Variants in THSD7B observed in about 807,000 individuals in gnomAD.
The protein encoded by THSD7B is thrombospondin type-1 domain-containing protein 7B.
A neutral mutation model predicts 213.6 loss-of-function variants in THSD7B; 138 were observed. The observed-to-expected ratio is 0.65, with a 90% CI of 0.56 to 0.74. The LOEUF (loss-of-function observed/expected upper bound fraction) is 0.74. Ranked by LOEUF, THSD7B falls within the 30% of genes least tolerant of loss-of-function variation. The probability of loss-of-function intolerance (pLI) is 0.00; values close to 1 mark genes in which losing one functional copy is unlikely to be tolerated. For missense variants in THSD7B, 1,931 were observed against 1,991.5 expected, an observed-to-expected ratio of 0.97 and a Z score of 0.58; for synonymous variants, 742 against 687.0, an observed-to-expected ratio of 1.08 and a Z score of -1.25.
intron 1 of THSD7B, among the ~76,000 whole-genome samples, chr2:136,817,021 G>C (rs1290165901): frequency 1.3e-5 from 2 of 152,162 alleles, no homozygotes; most frequent in African/African-American, 4.8e-5. Context: ...GGTTAGAGTA[G>C]ATTCTAGGAG....
At chr2:137,132,697 G>A (rs1349703490) in intron 5 of THSD7B, among the ~76,000 whole-genome samples, 1 of 152,158 alleles carries the variant, frequency 6.6e-6, no homozygotes, top group Non-Finnish European at 1.5e-5. Context: ...ATTGTCTGGT[G>A]CAAACCTCTC....
intron 12 of THSD7B, among the ~76,000 whole-genome samples, chr2:137,318,049 C>T (rs1457092774): frequency 6.6e-6 from 1 of 152,190 alleles, no homozygotes; most frequent in African/African-American, 2.4e-5. Flanking sequence ...TGTAAACCCA[C>T]TCTATTAGGC....
chr2:136,980,837 C>G (rs1277164229), intron 2 of THSD7B, among the ~76,000 whole-genome samples: 1 of 152,192 alleles, frequency 6.6e-6, no homozygotes, highest in African/African-American at 2.4e-5. Flanking sequence ...GTAGCACAAT[C>G]ACTCACCGCC....
chr2:136,849,864 C>G (rs774288203), intron 1 of THSD7B, among the ~76,000 whole-genome samples: 2 of 152,014 alleles, frequency 1.3e-5, no homozygotes, highest in Non-Finnish European at 2.9e-5. Context: ...CTAGCTTTAT[C>G]AAATCTTAAT....
At chr2:137,203,154 A>C (rs946070086) in intron 7 of THSD7B, among the ~76,000 whole-genome samples, 2 of 152,138 alleles carry the variant, frequency 1.3e-5, no homozygotes, top group South Asian at 4.1e-4. Flanking sequence ...AAAATTTTTA[A>C]ATTGAGAATT....
intron 4 of THSD7B, among the ~76,000 whole-genome samples, chr2:137,099,843 C>T (rs1416069492): frequency 6.6e-6 from 1 of 152,148 alleles, no homozygotes; most frequent in Non-Finnish European, 1.5e-5. Context: ...TGTAAAATAT[C>T]GTTCCAATAC....
At chr2:137,143,934 C>T (rs1679641682) in intron 5 of THSD7B, among the ~76,000 whole-genome samples, 1 of 151,398 alleles carries the variant, frequency 6.6e-6, no homozygotes, top group Non-Finnish European at 1.5e-5. Context: ...GGTTTTTTTT[C>T]CAGCTTTTAA....
chr2:137,347,187 A>G (rs1169534942), intron 12 of THSD7B, among the ~76,000 whole-genome samples: 1 of 151,772 alleles, frequency 6.6e-6, no homozygotes, highest in Admixed American at 6.6e-5. Context: ...TAGAATTTAA[A>G]TATTAATCAA....
chr2:136,809,474 T>C (rs201770545), intron 1 of THSD7B, among the ~76,000 whole-genome samples: 1 of 152,148 alleles, frequency 6.6e-6, no homozygotes, highest in East Asian at 1.9e-4. Flanking sequence ...TTCAACCAAA[T>C]TTAATGTGCC....
chr2:137,155,137 G>T (rs1407875891), intron 5 of THSD7B, among the ~76,000 whole-genome samples: 3 of 152,152 alleles, frequency 2.0e-5, no homozygotes, highest in South Asian at 2.1e-4. Context: ...GAAAGATGCC[G>T]CTAGGCAGTG....
At chr2:137,151,504 T>A (rs531193336) in intron 5 of THSD7B, among the ~76,000 whole-genome samples, 2 of 142,216 alleles carry the variant, frequency 1.4e-5, no homozygotes, top group South Asian at 4.5e-4. Flanking sequence ...ACAATGCACA[T>A]GTACCCTAGA....
chr2:137,584,521 G>A (rs1460257432), intron 17 of THSD7B, among the ~76,000 whole-genome samples: 1 of 152,138 alleles, frequency 6.6e-6, no homozygotes, highest in African/African-American at 2.4e-5. Context: ...TCAATACCTA[G>A]TTTATTGAGA....
chr2:137,267,956 C>A (rs1682635629), intron 10 of THSD7B, among the ~76,000 whole-genome samples: 1 of 152,276 alleles, frequency 6.6e-6, no homozygotes, highest in Non-Finnish European at 1.5e-5. Flanking sequence ...TTGGCCTTTG[C>A]CCATCTTCTC....
chr2:136,852,574 G>T (rs1683116924), intron 1 of THSD7B, among the ~76,000 whole-genome samples: 1 of 152,068 alleles, frequency 6.6e-6, no homozygotes, highest in Non-Finnish European at 1.5e-5. Context: ...GATGAGTATT[G>T]TTTTAAGCTG....
chr2:137,584,692 G>C (rs1681675582), intron 17 of THSD7B, among the ~76,000 whole-genome samples: 4 of 152,174 alleles, frequency 2.6e-5, no homozygotes, highest in African/African-American at 9.7e-5. Flanking sequence ...AAGCCCAGTT[G>C]ATCATGGTGG....
intron 3 of THSD7B, among the ~76,000 whole-genome samples, chr2:137,075,909 T>G (rs962250335): frequency 3.3e-5 from 5 of 152,292 alleles, no homozygotes; most frequent in Admixed American, 2.6e-4. Flanking sequence ...TGGATTTTGG[T>G]GAACCGCAAA....
intron 15 of THSD7B, among the ~76,000 whole-genome samples, chr2:137,523,663 A>T (rs1048044074): frequency 4.6e-5 from 7 of 152,094 alleles, no homozygotes; most frequent in African/African-American, 9.7e-5. Context: ...ACCAAAATGT[A>T]TTCAGTCAGG....
At chr2:136,776,425 G>C (rs895879676) in intron 1 of THSD7B, among the ~76,000 whole-genome samples, 1 of 147,356 alleles carries the variant, frequency 6.8e-6, no homozygotes, top group Non-Finnish European at 1.5e-5. Flanking sequence ...AATGCAGGCA[G>C]AAGGTTTATC....
chr2:137,424,337 G>A (rs1216935675), intron 14 of THSD7B, among the ~76,000 whole-genome samples: 1 of 152,078 alleles, frequency 6.6e-6, no homozygotes, highest in Non-Finnish European at 1.5e-5. Flanking sequence ...AAATGTAAGT[G>A]CTGTAAAAAA....
Sources: gnomAD v4.1 joint callset for allele counts (sites outside exome capture counted in the v4.1 genomes callset) on GRCh38, gnomAD v4.1.1 for gene constraint, MANE v1.5 for transcripts, NCBI Gene and HGNC (gene_info 2026-07-23, HGNC 2026-07-21) for gene names.